Variants in GATA4 observed in about 807,000 individuals in gnomAD.
GATA4 encodes the protein GATA binding protein 4.
In GATA4, 7 loss-of-function variants were observed where a neutral mutation model predicts 37.9. The ratio of observed to expected loss-of-function variants is 0.18; its 90% CI spans 0.11 to 0.35. The LOEUF (loss-of-function observed/expected upper bound fraction) is 0.35, where lower values mean the gene tolerates loss of function less well. GATA4 is among the 10% of genes least tolerant of loss of function. The pLI, the probability that GATA4 is intolerant of heterozygous loss-of-function variation, is 1.00. For missense variants in GATA4, 647 were observed against 653.0 expected (o/e 0.99, Z 0.10); for synonymous variants, 372 against 292.6 (o/e 1.27, Z -2.77).
At chr8:11,692,544 G>T (rs771647618), upstream of GATA4, 1 of 985,468 alleles carries the variant, frequency 1.0e-6, no homozygotes, top group Non-Finnish European at 1.2e-6. Context: ...GATCTAGATT[G>T]AATCTGATCC....
rs1005198066 is a variant in GATA4, at chr8:11,683,094, G to A, written c.-274+6031G>A. The A allele has an allele frequency of 9.1e-6, 9 of 985,282 alleles. No individual in the cohort carries two copies. In the African/African-American group the frequency reaches 1.2e-4, roughly 13 times the overall value. 61.0% of individuals were successfully genotyped at this position (985,282 alleles called of 1,614,324 possible). On this transcript the variant is annotated intron_variant, in intron 1 of 6. Transcript: ENST00000528712. ...CCTAGGTTTTCCCAGCCTTCTCGCC[G>A]GATTGCCTTGGAAAGCTCTTGGTGT...
At chr8:11,693,830 G>A (rs572211738) in intron 1 of GATA4, among the ~76,000 whole-genome samples, 1 of 152,212 alleles carries the variant, frequency 6.6e-6, no homozygotes, top group East Asian at 1.9e-4. Context: ...CCAAGTCATA[G>A]GTTATGGGTG....
At chr8:11,700,291 G>A (rs10441675), upstream of GATA4, among the ~76,000 whole-genome samples, 432 of 152,368 alleles carry the variant, frequency 2.8e-3, 1 homozygote, top group African/African-American at 9.8e-3. Context: ...GCAACCCAGA[G>A]TAGTAATTTC....
At chr8:11,741,946 G>C (rs530149176) in intron 2 of GATA4, among the ~76,000 whole-genome samples, 5 of 152,306 alleles carry the variant, frequency 3.3e-5, no homozygotes, top group African/African-American at 1.2e-4. Context: ...CTGGTGGGAC[G>C]CTGGCCTGCG....
chr8:11,722,469 G>T (rs960860581), intron 2 of GATA4, among the ~76,000 whole-genome samples: 10 of 152,200 alleles, frequency 6.6e-5, no homozygotes, highest in African/African-American at 2.4e-4. Flanking sequence ...TTCCCAGTTT[G>T]TCTAATTGTC....
At chr8:11,689,749 G>A (rs554255142), upstream of GATA4, among the ~76,000 whole-genome samples, 1 of 152,314 alleles carries the variant, frequency 6.6e-6, no homozygotes, top group Admixed American at 6.5e-5. Flanking sequence ...GGTGTGGGCA[G>A]CAGCTCTAAC....
In GATA4 at chr8:11,694,838, C is replaced by G. The variant is rs531214191; in HGVS notation, c.-729+2178C>G. 7.9e-5 allele frequency among the ~76,000 whole-genome samples: 12 copies of G among 152,224 alleles called. No homozygotes were observed. In the South Asian group the frequency reaches 2.5e-3, roughly 32 times the overall value. On this transcript the variant is annotated intron_variant, in intron 1 of 2. Coordinates refer to the GATA4 transcript ENST00000526974. ...CTGGGAAGAGGTAGAAACAATCTCT[C>G]TCCTCTCTCTCTCTCTGTCTCTCTC...
chr8:11,740,537 G>A (rs906340492), intron 2 of GATA4, among the ~76,000 whole-genome samples: 5 of 152,178 alleles, frequency 3.3e-5, no homozygotes, highest in Non-Finnish European at 7.4e-5. Context: ...CTCCACTCTG[G>A]GACTGATCGT....
chr8:11,723,348 A>G (rs1054942285), intron 2 of GATA4, among the ~76,000 whole-genome samples: 1 of 152,076 alleles, frequency 6.6e-6, no homozygotes, highest in Admixed American at 6.6e-5. Context: ...GTTAAAAAAA[A>G]AAAACAAAAA....
intron 1 of GATA4, among the ~76,000 whole-genome samples, chr8:11,685,465 G>A (rs1799106258): frequency 6.6e-6 from 1 of 152,222 alleles, no homozygotes; most frequent in African/African-American, 2.4e-5. Context: ...AGACATGTCA[G>A]CCTTCTTCAG....
In GATA4 at chr8:11,754,806, C is replaced by T. The variant is rs13264774; in HGVS notation, c.913-240C>T. On this transcript the variant is annotated intron_variant, in intron 4 of 6. Coordinates refer to ENST00000532059, the MANE Select transcript of GATA4 (RefSeq NM_001308093.3). ...GGTAGGAGCTGTGTGTCTTTAGTTCCCTATTCTCCAGGCTCTAGTAAAGTA... is the reference window on the plus strand; with the variant it reads ...GGTAGGAGCTGTGTGTCTTTAGTTCTCTATTCTCCAGGCTCTAGTAAAGTA... Among the ~76,000 whole-genome samples the T allele has an allele frequency of 0.21, 32,397 of 151,998 alleles. 4,077 individuals carry two copies. The highest frequency in any genetic ancestry group is 0.59 in the East Asian group (3,007 of 5,134).
intron 1 of GATA4, chr8:11,694,551 C>T (rs996329126): frequency 2.0e-6 from 2 of 980,192 alleles, no homozygotes; most frequent in Non-Finnish European, 2.4e-6. Context: ...CAAGCTCTCC[C>T]AGGGTGAGGG....
At chr8:11,697,721 C>T (rs1460803138) in intron 1 of GATA4, 1 of 985,476 alleles carries the variant, frequency 1.0e-6, no homozygotes, top group Non-Finnish European at 1.2e-6. Context: ...TTCCTTGACA[C>T]TTTCCTGTCT....
In GATA4 at chr8:11,708,712, A is replaced by T. The variant is rs1295769704; in HGVS notation, c.400A>T (p.Ser134Cys). Reference sequence around the variant, plus strand: ...GGCCCGGGAAGCTGCGGCCTACAGCAGTGGCGGCGGAGCGGCGGGTGCGGG... The same window carrying T: ...GGCCCGGGAAGCTGCGGCCTACAGCTGTGGCGGCGGAGCGGCGGGTGCGGG... ...AAAREAAAYS[S>C]GGGAAGAGLA... The change falls in exon 2 of 7, where the codon AGT (serine) becomes TGT (cysteine). Residue 134 changes from serine to cysteine, a missense_variant. Coordinates refer to ENST00000532059, the MANE Select transcript of GATA4 (RefSeq NM_001308093.3). This position sits in a 1 kb window ranked among gnomAD's most constrained non-coding sequence, Gnocchi z 6.7. 4 of 1,269,806 alleles carry T rather than the reference A, an allele frequency of 3.2e-6. No homozygotes were observed. The highest frequency in any genetic ancestry group is 3.0e-6 in the Non-Finnish European group (3 of 1,014,626). The allele number at this position is 1,269,806 out of a possible 1,614,324, so 78.7% of individuals were successfully genotyped here. A position where few individuals can be genotyped will look rare whatever the true frequency, so the allele number is the denominator to read the frequency against.
At chr8:11,688,780 A>G (rs945153993), upstream of GATA4, among the ~76,000 whole-genome samples, 4 of 152,200 alleles carry the variant, frequency 2.6e-5, no homozygotes, top group Admixed American at 6.5e-5. Flanking sequence ...TAGGCAGAAA[A>G]TAAGACAAAG....
chr8:11,750,078 T>A, intron 3 of GATA4, 33 bp from the exon 4 acceptor site: 2 of 1,613,920 alleles, frequency 1.2e-6, no homozygotes, highest in Non-Finnish European at 1.7e-6. Flanking sequence ...CACCTTTTAC[T>A]TGGACATGAA....
At chr8:11,719,319 G>A (rs552739541) in intron 2 of GATA4, among the ~76,000 whole-genome samples, 64 of 152,010 alleles carry the variant, frequency 4.2e-4, no homozygotes, top group Middle Eastern at 3.4e-3. Context: ...TTGAGTAGGC[G>A]GGGAAAACAA....
chr8:11,755,808 T>G (rs543936077), intron 5 of GATA4, among the ~76,000 whole-genome samples: 3 of 152,136 alleles, frequency 2.0e-5, no homozygotes, highest in African/African-American at 7.2e-5. Flanking sequence ...CCTTCTTAAT[T>G]TCTAGATTAA....
Position 11,680,691 on chromosome 8 carries a change from G to A in GATA4, c.-274+3628G>A, listed in dbSNP as rs551336644. The stretch of plus-strand genomic sequence containing the variant: ...TTTGCGTCAGAGACCCCCCCCTTGG[G>A]GAGACCGGAATCCTCCAGCCGCTGC... On this transcript the variant is annotated intron_variant, in intron 1 of 6. Coordinates refer to the GATA4 transcript ENST00000528712. The A allele has an allele frequency of 6.9e-4, 681 of 985,324 alleles. 4 individuals are homozygous for A. In the African/African-American group the frequency reaches 0.011, roughly 15 times the overall value. 61.0% of individuals were successfully genotyped at this position (985,324 alleles called of 1,614,324 possible).
Sources: gnomAD v4.1 joint callset for allele counts (sites outside exome capture counted in the v4.1 genomes callset) on GRCh38, gnomAD v4.1.1 for gene constraint, Gnocchi (gnomAD v3.1) non-coding constraint, MANE v1.5 for transcripts, NCBI Gene and HGNC (gene_info 2026-07-23, HGNC 2026-07-21) for gene names.